The following MAP7D2 variants were observed in gnomAD, a reference collection of about 807,000 sequenced individuals.
The protein encoded by MAP7D2 is MAP7 domain-containing protein 2.
MAP7D2 carries 33 observed loss-of-function variants against 63.5 expected under a neutral mutation model. That is an observed-to-expected ratio of 0.52 (90% CI 0.39 to 0.70). The LOEUF (loss-of-function observed/expected upper bound fraction) is 0.70, where lower values mean the gene tolerates loss of function less well. MAP7D2 is among the 30% of genes least tolerant of loss of function. MAP7D2 has a pLI of 0.00. For missense variants in MAP7D2, 626 were observed against 604.0 expected (o/e 1.04, Z -0.38); for synonymous variants, 224 against 223.7 (o/e 1.00, Z -0.01).
intron 6 of MAP7D2, 117 bp from the exon 7 acceptor site, chrX:20,044,641 C>G (rs2064748917): frequency 1.5e-6 from 1 of 650,709 alleles, no homozygotes; most frequent in African/African-American, 2.2e-5. Context: ...CAATATCATA[C>G]TTTTCTATTG....
At chrX:20,082,675 C>T (rs2065806427) in intron 1 of MAP7D2, among the ~76,000 whole-genome samples, 1 of 112,205 alleles carries the variant, frequency 8.9e-6, no homozygotes, top group Non-Finnish European at 1.9e-5. Flanking sequence ...GTTGTCGGGG[C>T]TGCAGTGCAA....
chrX:20,015,085 A>G (rs1165785501), intron 12 of MAP7D2, 138 bp downstream of exon 12: 2 of 447,768 alleles, frequency 4.5e-6, no homozygotes, highest in East Asian at 7.3e-5. Flanking sequence ...TAATAAAGAC[A>G]TAAAAGATTT....
rs190475222 is a variant in MAP7D2, at chrX:20,017,533, T to G, written c.1413-1208A>C. ...GTATGACCAAAGGAAATATTTTGTT[T>G]ATTCATTCAAAGAAATATTTTAAAA... On this transcript the variant is annotated intron_variant, in intron 10 of 16. Coordinates refer to ENST00000379643, the MANE Select transcript of MAP7D2 (RefSeq NM_001168465.2). 1.8e-4 allele frequency among the ~76,000 whole-genome samples: 20 copies of G among 112,737 alleles called. No homozygotes were observed. In the East Asian group the frequency reaches 5.0e-3, roughly 28 times the overall value.
intron 6 of MAP7D2, among the ~76,000 whole-genome samples, chrX:20,047,913 T>C (rs2064843290): frequency 9.0e-6 from 1 of 110,932 alleles, no homozygotes; most frequent in African/African-American, 3.3e-5. Context: ...GAGATTTGCT[T>C]TAACTGCTAA....
At chrX:20,046,069 T>C (rs1312278466) in intron 6 of MAP7D2, among the ~76,000 whole-genome samples, 2 of 112,168 alleles carry the variant, frequency 1.8e-5, no homozygotes, top group African/African-American at 3.2e-5. Flanking sequence ...CAAGTCTCTG[T>C]AGTAGATTTT....
intron 1 of MAP7D2, among the ~76,000 whole-genome samples, chrX:20,066,681 T>C (rs948309641): frequency 3.6e-5 from 4 of 111,722 alleles, no homozygotes; most frequent in South Asian, 3.8e-4. Flanking sequence ...CTTTCTCCCA[T>C]GCACCTTCTA....
intron 1 of MAP7D2, among the ~76,000 whole-genome samples, chrX:20,080,791 CAGG>C (rs2065759288): frequency 2.7e-5 from 3 of 111,589 alleles, no homozygotes; most frequent in Admixed American, 1.9e-4. Flanking sequence ...AGGATGCAAA[CAGG>C]AGGAGGGAAA....
At chrX:20,064,908 C>T in intron 1 of MAP7D2, 103 bp from the exon 2 acceptor site, 1 of 619,654 alleles carries the variant, frequency 1.6e-6, no homozygotes, top group Non-Finnish European at 2.7e-6. Flanking sequence ...ACTGCACGTG[C>T]ACATCATCCA....
chrX:20,025,741 C>A lies in MAP7D2; in HGVS notation c.1219G>T (p.Asp407Tyr). Residue 407 changes from aspartate to tyrosine, a missense_variant, in exon 9 of 17, where the codon GAC (aspartate) becomes TAC (tyrosine). Transcript: ENST00000379643. ...GCATGCTTCTCGCTGGCATGCTTGTCCACTACATGCTTCTCTAGGGCTTCC... is the reference window on the plus strand; with the variant it reads ...GCATGCTTCTCGCTGGCATGCTTGTACACTACATGCTTCTCTAGGGCTTCC... Reference protein sequence around the residue: ...GEEALEKHVVDKHASEKHAAA... With the variant: ...GEEALEKHVVYKHASEKHAAA... 8.3e-7 allele frequency: 1 copy of A among 1,211,906 alleles called. No individual in the cohort carries two copies. The highest frequency in any genetic ancestry group is 1.1e-6 in the Non-Finnish European group (1 of 895,498).
At chrX:20,022,614 C>T (rs891778788) in intron 10 of MAP7D2, among the ~76,000 whole-genome samples, 2 of 111,002 alleles carry the variant, frequency 1.8e-5, no homozygotes, top group Non-Finnish European at 3.8e-5. Flanking sequence ...CTGGACCTGA[C>T]AACCATTGGG....
chrX:20,116,895 G>A lies in MAP7D2; in HGVS notation c.-16C>T. 1.8e-6 allele frequency: 2 copies of A among 1,085,202 alleles called. No homozygotes were observed. Among genetic ancestry groups the A allele is most frequent in the Non-Finnish European group, 2.4e-6 (2 of 834,520 alleles). 89.4% of individuals were successfully genotyped at this position (1,085,202 alleles called of 1,213,427 possible). ...CGCGCTCCATCGGGATGCGCCGGCC[G>A]CACAGGCGCACTGCCAAGCCCGCCG... On this transcript the variant is annotated 5_prime_UTR_variant, in exon 1 of 17. Coordinates refer to ENST00000379643, the MANE Select transcript of MAP7D2 (RefSeq NM_001168465.2).
At position 20,019,084 on chromosome X, in the gene MAP7D2, T is replaced by C. The variant is rs921991022; in HGVS notation, c.1413-2759A>G. 1.3e-4 allele frequency among the ~76,000 whole-genome samples: 14 copies of C among 110,283 alleles called. No individual in the cohort carries two copies. The East Asian group carries it at 3.7e-3, about 29-fold the overall frequency. On this transcript the variant is annotated intron_variant, in intron 10 of 16. Transcript: ENST00000379643. ...TGCTGTTGCCCAAGTTGGAGTGCAG[T>C]GCTGCCATCACAGCTTACTGCAGCC...
At chrX:20,093,210 T>C (rs1165371206) in intron 1 of MAP7D2, among the ~76,000 whole-genome samples, 4 of 111,736 alleles carry the variant, frequency 3.6e-5, no homozygotes, top group African/African-American at 1.3e-4. Flanking sequence ...TTGTGCCACA[T>C]CCACCAATTC....
At chrX:20,077,218 G>C (rs2065668198) in intron 1 of MAP7D2, among the ~76,000 whole-genome samples, 1 of 111,909 alleles carries the variant, frequency 8.9e-6, no homozygotes, top group East Asian at 2.8e-4. Context: ...ACTTTGGGAG[G>C]CCGAGGTGGG....
intron 1 of MAP7D2, among the ~76,000 whole-genome samples, chrX:20,112,619 G>A (rs762282942): frequency 6.5e-4 from 72 of 111,311 alleles, no homozygotes; most frequent in Non-Finnish European, 1.3e-3. Flanking sequence ...CCTAAGGGCG[G>A]CTGCCCTCTA....
chrX:20,083,971 C>A (rs185495205), intron 1 of MAP7D2, among the ~76,000 whole-genome samples: 2 of 111,069 alleles, frequency 1.8e-5, no homozygotes, highest in African/African-American at 6.6e-5. Flanking sequence ...GAGGCTGAGA[C>A]GAGTGGATCA....
At chrX:20,017,747 A>C (rs749688714) in intron 10 of MAP7D2, among the ~76,000 whole-genome samples, 8 of 111,410 alleles carry the variant, frequency 7.2e-5, no homozygotes, top group Non-Finnish European at 1.3e-4. Context: ...ATGAAATACT[A>C]TGTCCAACAC....
chrX:20,028,874 G>A (rs1294375113), intron 8 of MAP7D2, among the ~76,000 whole-genome samples: 2 of 112,194 alleles, frequency 1.8e-5, no homozygotes, highest in Admixed American at 1.9e-4. Flanking sequence ...GATAACAGAT[G>A]GAAACACTTT....
In MAP7D2 at chrX:20,064,783, T is replaced by C; in HGVS notation, c.153A>G (p.Ser51=). The change falls in exon 2 of 17, where the codon TCA becomes TCG. Residue 51 remains serine (S), a synonymous_variant. Coordinates refer to ENST00000379643, the MANE Select transcript of MAP7D2 (RefSeq NM_001168465.2). The part of the protein sequence containing the change: ...RPQGMEGFLK[S]DERQRLAKER... Reference sequence around the variant, plus strand: ...CTTTGGCCAATCTCTGCCTCTCATCTGATTTCAAAAATCCCTCCATGCCTA... The same window carrying C: ...CTTTGGCCAATCTCTGCCTCTCATCCGATTTCAAAAATCCCTCCATGCCTA... 1 of 1,210,737 alleles carries C rather than the reference T, an allele frequency of 8.3e-7. No individual in the cohort carries two copies. Among genetic ancestry groups the C allele is most frequent in the Non-Finnish European group, 1.1e-6 (1 of 894,268 alleles).
Sources: gnomAD v4.1 joint callset for allele counts (sites outside exome capture counted in the v4.1 genomes callset) on GRCh38, gnomAD v4.1.1 for gene constraint, MANE v1.5 for transcripts, NCBI Gene and HGNC (gene_info 2026-07-23, HGNC 2026-07-21) for gene names.